MTUS1: variants seen among roughly 807,000 people sequenced by gnomAD.
MTUS1 encodes the protein microtubule associated scaffold protein 1.
Under a neutral mutation model 120.8 loss-of-function variants are expected in MTUS1, and 109 were observed. The observed-to-expected ratio is 0.90, with a 90% CI of 0.77 to 1.06. The LOEUF is 1.06. MTUS1 is among the 50% of genes least tolerant of loss of function. The pLI, the probability that MTUS1 is intolerant of heterozygous loss-of-function variation, is 0.00. For synonymous variants in MTUS1, 737 were observed against 550.5 expected, an observed-to-expected ratio of 1.34 and a Z score of -4.74; for missense variants, 2,210 against 1,486.3, an observed-to-expected ratio of 1.49 and a Z score of -8.01.
chr8:17,675,344 G>C (rs1812880978), intron 7 of MTUS1, 92 bp from the exon 8 acceptor site: 1 of 1,071,916 alleles, frequency 9.3e-7, no homozygotes, highest in Non-Finnish European at 1.4e-6. Flanking sequence ...ATGAGACCCA[G>C]TATTGGGAAG....
intron 1 of MTUS1, among the ~76,000 whole-genome samples, chr8:17,763,060 T>C (rs1297541502): frequency 6.6e-6 from 1 of 152,056 alleles, no homozygotes; most frequent in African/African-American, 2.4e-5. Flanking sequence ...GGCGCAATCT[T>C]GGCTCACTGC....
At chr8:17,695,636 T>A (rs983681451) in intron 6 of MTUS1, among the ~76,000 whole-genome samples, 46 of 152,282 alleles carry the variant, frequency 3.0e-4, no homozygotes, top group African/African-American at 1.1e-3. Context: ...ACTTAGAATG[T>A]CTACTACTAG....
At chr8:17,797,199 GCC>G (rs981836792) in intron 1 of MTUS1, among the ~76,000 whole-genome samples, 7 of 151,808 alleles carry the variant, frequency 4.6e-5, no homozygotes, top group African/African-American at 1.5e-4. Context: ...ATTTGCTTGA[GCC>G]CAGCAGTTCA....
chr8:17,759,740 G>A, intron 1 of MTUS1, among the ~76,000 whole-genome samples: 1 of 150,578 alleles, frequency 6.6e-6, no homozygotes, highest in East Asian at 1.9e-4. Flanking sequence ...ATTTTCCCAT[G>A]TCATTATACT....
At chr8:17,712,771 T>C (rs139064087) in intron 6 of MTUS1, among the ~76,000 whole-genome samples, 24 of 146,702 alleles carry the variant, frequency 1.6e-4, no homozygotes, top group African/African-American at 5.1e-4. Flanking sequence ...GTGGTTCAAA[T>C]AGTGGAGGCT....
intron 6 of MTUS1, among the ~76,000 whole-genome samples, chr8:17,702,297 T>C (rs888591395): frequency 6.6e-6 from 1 of 152,236 alleles, no homozygotes; most frequent in South Asian, 2.1e-4. Context: ...TTTTAACTCA[T>C]ATTTGGTAAA....
chr8:17,771,731 A>G (rs1485655374), intron 1 of MTUS1, among the ~76,000 whole-genome samples: 1 of 152,216 alleles, frequency 6.6e-6, no homozygotes, highest in African/African-American at 2.4e-5. Flanking sequence ...AACAAAGACA[A>G]TTTTACTATT....
chr8:17,785,798 A>G (rs1266823769), intron 1 of MTUS1, among the ~76,000 whole-genome samples: 1 of 152,126 alleles, frequency 6.6e-6, no homozygotes, highest in Non-Finnish European at 1.5e-5. Flanking sequence ...AAAGCAACAG[A>G]CCAGGAGAGA....
At chr8:17,651,046 C>T (rs1365801552) in intron 12 of MTUS1, among the ~76,000 whole-genome samples, 2 of 152,154 alleles carry the variant, frequency 1.3e-5, no homozygotes, top group South Asian at 2.1e-4. Flanking sequence ...AAAGAGGAAA[C>T]GTGTTCCACG....
rs10106982 is a variant in MTUS1, at chr8:17,645,561, G to A, written c.*365C>T. 0.018 allele frequency: 3,254 copies of A among 177,578 alleles called. 122 individuals are homozygous for A. The highest frequency in any genetic ancestry group is 0.073 in the African/African-American group (3,055 of 42,012). 11.0% of individuals were successfully genotyped at this position (177,578 alleles called of 1,614,324 possible). On this transcript the variant is annotated 3_prime_UTR_variant, in exon 15 of 15. Transcript: ENST00000693296. ...GAAAACTCACAAGAAGGTGTCTGTG[G>A]TGAAGAACATTACAAAGGTTATAAA... is the stretch of plus-strand genomic sequence containing the variant.
chr8:17,666,466 A>C (rs1810932789), intron 8 of MTUS1, among the ~76,000 whole-genome samples: 3 of 152,284 alleles, frequency 2.0e-5, no homozygotes, highest in South Asian at 4.1e-4. Context: ...TATTATTCTT[A>C]CTATGCTTGA....
rs751167736 is a variant in MTUS1, at chr8:17,654,698, A to G, written c.3109-32T>C. On this transcript the variant is annotated intron_variant, in intron 9 of 14. Coordinates refer to ENST00000693296, the MANE Select transcript of MTUS1 (RefSeq NM_001363059.2). ...GCAACAAACAAAACCGTGGTTTAAC[A>G]GTAAAACCAAATGTCCTAAGTTGAA... The G allele has an allele frequency of 2.1e-5, 32 of 1,504,558 alleles. No individual in the cohort carries two copies. In the South Asian group the frequency reaches 3.5e-4, roughly 16 times the overall value. The allele number at this position is 1,504,558 out of a possible 1,614,324, so 93.2% of individuals were successfully genotyped here.
Position 17,754,071 on chromosome 8 carries a change from A to G in MTUS1, c.1737T>C (p.Phe579=). The change falls in exon 2 of 15, where the codon TTT becomes TTC. Residue 579 remains phenylalanine, a synonymous_variant. Transcript: ENST00000693296. ...ILINKTHKQQ[F]NKLITSQAVH... ...CAGCCTGGCTAGTAATGAGTTTATT[A>G]AACTGCTGCTTATGTGTCTTGTTAA... 1 of 1,613,972 alleles carries G rather than the reference A, an allele frequency of 6.2e-7. No individual in the cohort carries two copies. Among genetic ancestry groups the G allele is most frequent in the Non-Finnish European group, 8.5e-7 (1 of 1,180,012 alleles).
intron 2 of MTUS1, among the ~76,000 whole-genome samples, 187 bp from the exon 3 acceptor site, chr8:17,743,986 G>A (rs1441883399): frequency 6.6e-6 from 1 of 152,128 alleles, no homozygotes; most frequent in Non-Finnish European, 1.5e-5. Flanking sequence ...AGGCACAACT[G>A]ACCAGAATTA....
chr8:17,658,202 A>G (rs1190913600), intron 8 of MTUS1, among the ~76,000 whole-genome samples: 2 of 152,082 alleles, frequency 1.3e-5, no homozygotes, highest in Non-Finnish European at 2.9e-5. Flanking sequence ...ACGACCAGCT[A>G]ATTTTTGTAT....
chr8:17,657,553 G>C (rs139692608), intron 8 of MTUS1, among the ~76,000 whole-genome samples: 1,978 of 149,528 alleles, frequency 0.013, 50 homozygotes, highest in African/African-American at 0.047. Flanking sequence ...GGGCGACAGA[G>C]AGAGACTCCG....
intron 7 of MTUS1, chr8:17,676,186 T>C (rs763205225): frequency 7.2e-6 from 5 of 695,844 alleles, no homozygotes; most frequent in African/African-American, 5.2e-5. Flanking sequence ...GAGTTGCTTG[T>C]CATTCAAAGC....
At chr8:17,683,891 C>T (rs915103401) in intron 7 of MTUS1, among the ~76,000 whole-genome samples, 2 of 152,042 alleles carry the variant, frequency 1.3e-5, no homozygotes, top group Admixed American at 6.5e-5. Flanking sequence ...GAAAGAATCC[C>T]CAGATATGAT....
chr8:17,672,001 G>T (rs3088302), intron 8 of MTUS1, among the ~76,000 whole-genome samples: 20,821 of 152,074 alleles, frequency 0.14, 1,484 homozygotes, highest in South Asian at 0.19. Context: ...CATACTCAAA[G>T]AAGTTAGGTA....
Sources: allele counts gnomAD v4.1 joint callset (sites outside exome capture counted in the v4.1 genomes callset), GRCh38; gene constraint gnomAD v4.1.1; transcripts MANE v1.5; gene names NCBI Gene and HGNC (gene_info 2026-07-23, HGNC 2026-07-21).